The following SMAP2 variants were observed in gnomAD, a reference collection of about 807,000 sequenced individuals.
SMAP2 encodes stromal membrane-associated protein 2.
In SMAP2, 25 loss-of-function variants were observed where a neutral mutation model predicts 56.4. The ratio of observed to expected loss-of-function variants is 0.44; its 90% CI spans 0.32 to 0.62. The LOEUF is 0.62. Ranked by LOEUF, SMAP2 falls within the 20% of genes least tolerant of loss-of-function variation. SMAP2 has a pLI of 0.04. For missense variants in SMAP2, 388 were observed against 545.6 expected (o/e 0.71, Z 2.88); for synonymous variants, 157 against 181.7 (o/e 0.86, Z 1.09).
chr1:40,404,963 T>C (rs1644871662), intron 1 of SMAP2, among the ~76,000 whole-genome samples: 2 of 152,174 alleles, frequency 1.3e-5, no homozygotes, highest in Non-Finnish European at 2.9e-5. Flanking sequence ...TTTTAGAAGG[T>C]AAATCGGAGC....
chr1:40,410,471 G>C (rs990461725), intron 4 of SMAP2, among the ~76,000 whole-genome samples: 2 of 151,576 alleles, frequency 1.3e-5, no homozygotes, highest in Admixed American at 1.3e-4. Flanking sequence ...TATCTACATA[G>C]ATATATACAC....
intron 1 of SMAP2, among the ~76,000 whole-genome samples, chr1:40,359,240 C>T (rs1164624235): frequency 6.6e-6 from 1 of 152,120 alleles, no homozygotes; most frequent in Non-Finnish European, 1.5e-5. Flanking sequence ...GTAGCTGGAA[C>T]TACAAGTGCG....
intron 1 of SMAP2, among the ~76,000 whole-genome samples, chr1:40,357,724 A>G (rs1261277727): frequency 6.6e-6 from 1 of 152,186 alleles, no homozygotes; most frequent in East Asian, 1.9e-4. Context: ...TTGCTCAAAA[A>G]GAATTCACTG....
At position 40,375,826 on chromosome 1, in the gene SMAP2, A is replaced by ACCC. The variant is rs33976621; in HGVS notation, c.103+1612_103+1614dup. The ACCC allele has an allele frequency of 2.1e-4, 172 of 817,898 alleles. 1 individual carries two copies. In the African/African-American group the frequency reaches 3.0e-3, roughly 14 times the overall value. 50.7% of individuals were successfully genotyped at this position (817,898 alleles called of 1,614,324 possible). ...GTCAGATGCCATTTTGGTGACTAGA[A>ACCC]CCCCCCCCCCCATTTCTCATATTAC... is the stretch of plus-strand genomic sequence containing the variant. On this transcript the variant is annotated intron_variant, in intron 1 of 9. Coordinates refer to ENST00000372718, the MANE Select transcript of SMAP2 (RefSeq NM_022733.3).
intron 1 of SMAP2, among the ~76,000 whole-genome samples, chr1:40,375,545 G>A (rs898521763): frequency 6.6e-5 from 10 of 152,116 alleles, no homozygotes; most frequent in Admixed American, 2.0e-4. Context: ...TGTGCCATTA[G>A]GAAAACAAAT....
At chr1:40,394,240 A>G (rs1306594866) in intron 1 of SMAP2, among the ~76,000 whole-genome samples, 2 of 152,066 alleles carry the variant, frequency 1.3e-5, no homozygotes, top group Admixed American at 6.5e-5. Flanking sequence ...CGGTGTGTTT[A>G]GGTGTTTGGG....
In SMAP2 at chr1:40,367,814, C is replaced by T. The variant is rs1644483890; in HGVS notation, c.55+5378C>T. On this transcript the variant is annotated intron_variant, in intron 2 of 6. Coordinates refer to the SMAP2 transcript ENST00000435168. ...AAGAACTAGAAAGCAAGAGCAAACACATTCAAAAGCTAGCAGAAGGCAAGA... is the reference window on the plus strand; with the variant it reads ...AAGAACTAGAAAGCAAGAGCAAACATATTCAAAAGCTAGCAGAAGGCAAGA... Among the ~76,000 whole-genome samples, 3 of 146,674 alleles carry T rather than the reference C, an allele frequency of 2.0e-5. No homozygotes were observed. The Admixed American group carries it at 2.1e-4, about 10-fold the overall frequency.
rs745578816 is a variant in SMAP2, at chr1:40,415,400, T to C, written c.681+19T>C. On this transcript the variant is annotated intron_variant, in intron 7 of 9. Transcript: ENST00000372718. Reference sequence around the variant, plus strand: ...CAGAAAGGTGAGTCTTGTGGGCTCCTCAGGATTAAAGAACATTCTGAAATG... The same window carrying C: ...CAGAAAGGTGAGTCTTGTGGGCTCCCCAGGATTAAAGAACATTCTGAAATG... The C allele has an allele frequency of 2.7e-6, 4 of 1,487,754 alleles. No individual in the cohort carries two copies. Among genetic ancestry groups the C allele is most frequent in the Non-Finnish European group, 3.8e-6 (4 of 1,065,538 alleles). The allele number at this position is 1,487,754 out of a possible 1,614,324, so 92.2% of individuals were successfully genotyped here. A position where few individuals can be genotyped will look rare whatever the true frequency, so the allele number is the denominator to read the frequency against.
intron 4 of SMAP2, among the ~76,000 whole-genome samples, chr1:40,411,800 C>A (rs1429555329): frequency 6.6e-6 from 1 of 152,058 alleles, no homozygotes; most frequent in Non-Finnish European, 1.5e-5. Context: ...ATGAGAAAAA[C>A]AGCTGCATGT....
intron 1 of SMAP2, among the ~76,000 whole-genome samples, chr1:40,398,582 A>G (rs1644796907): frequency 6.6e-6 from 1 of 152,246 alleles, no homozygotes; most frequent in Non-Finnish European, 1.5e-5. Context: ...ATAAAGATGT[A>G]ATAATGAACA....
chr1:40,379,105 G>A (rs551040197), intron 1 of SMAP2, among the ~76,000 whole-genome samples: 4 of 151,472 alleles, frequency 2.6e-5, no homozygotes, highest in Admixed American at 1.3e-4. Context: ...TCAGCCTCTC[G>A]AGTAGCTGGG....
chr1:40,416,659 A>C (rs1644990172), intron 8 of SMAP2, 121 bp from the exon 9 acceptor site: 1 of 1,049,004 alleles, frequency 9.5e-7, no homozygotes, highest in Non-Finnish European at 1.4e-6. Context: ...TGCTGTGTAA[A>C]GAGCATTGTG....
At chr1:40,368,025 C>A (rs933950778) in intron 2 of SMAP2, among the ~76,000 whole-genome samples, 2 of 144,624 alleles carry the variant, frequency 1.4e-5, no homozygotes, top group African/African-American at 5.2e-5. Context: ...GGGGATAGCA[C>A]CACCGATCCC....
chr1:40,412,874 A>G (rs1016165915), intron 4 of SMAP2, 142 bp from the exon 5 acceptor site: 67 of 620,758 alleles, frequency 1.1e-4, no homozygotes, highest in South Asian at 1.6e-4. Context: ...CCACACCAAG[A>G]CACCGCCCCC....
chr1:40,415,767 C>A (rs574641270), intron 7 of SMAP2, among the ~76,000 whole-genome samples: 6 of 152,272 alleles, frequency 3.9e-5, no homozygotes, highest in Admixed American at 2.6e-4. Context: ...TTTTGTATAT[C>A]ATTTTGTATA....
chr1:40,373,591 C>T (rs1644512516), upstream of SMAP2: 1 of 153,422 alleles, frequency 6.5e-6, no homozygotes, highest in African/African-American at 2.4e-5. Context: ...CCAAGGCCCG[C>T]CCCCCGCTTC....
At chr1:40,411,910 CCT>C (rs138169225) in intron 4 of SMAP2, among the ~76,000 whole-genome samples, 5 of 152,020 alleles carry the variant, frequency 3.3e-5, no homozygotes, top group Non-Finnish European at 5.9e-5. Context: ...GGTGTGTTCC[CCT>C]TTTTTTCTAA....
intron 6 of SMAP2, among the ~76,000 whole-genome samples, chr1:40,414,580 A>C (rs1433027393): frequency 6.6e-6 from 1 of 152,196 alleles, no homozygotes; most frequent in African/African-American, 2.4e-5. Context: ...TCTACTTCAA[A>C]GGTGTTGTTG....
chr1:40,380,529 C>CTTTTTTTTT (rs370625950), intron 1 of SMAP2, among the ~76,000 whole-genome samples: 41 of 142,900 alleles, frequency 2.9e-4, no homozygotes, highest in African/African-American at 6.3e-4. Context: ...ATCTGTGGCA[C>CTTTTTTTTT]TTTTTTTTTT....
Sources: allele counts gnomAD v4.1 joint callset (sites outside exome capture counted in the v4.1 genomes callset), GRCh38; gene constraint gnomAD v4.1.1; transcripts MANE v1.5; gene names NCBI Gene and HGNC (gene_info 2026-07-23, HGNC 2026-07-21).